NEK5: variants seen among roughly 807,000 people sequenced by gnomAD.
The protein encoded by NEK5 is NIMA related kinase 5.
In NEK5, 88 loss-of-function variants were observed where a neutral mutation model predicts 109.2. The ratio of observed to expected loss-of-function variants is 0.81; its 90% CI spans 0.68 to 0.96. The LOEUF is 0.96. NEK5 is among the 40% of genes least tolerant of loss of function. The pLI is 0.00. For synonymous variants in NEK5, 283 were observed against 299.9 expected (o/e 0.94, Z 0.58); for missense variants, 834 against 920.7 (o/e 0.91, Z 1.22).
At chr13:52,092,112 G>T (rs540475540) in intron 13 of NEK5, among the ~76,000 whole-genome samples, 7 of 152,252 alleles carry the variant, frequency 4.6e-5, no homozygotes, top group Admixed American at 1.3e-4. Flanking sequence ...GCAGCTCTAT[G>T]AATAAGAAAA....
At chr13:52,080,200 G>A (rs1057239096) in intron 17 of NEK5, among the ~76,000 whole-genome samples, 13 of 147,656 alleles carry the variant, frequency 8.8e-5, no homozygotes, top group South Asian at 6.6e-4. Context: ...CAGCCGCCCC[G>A]TCCGGGAGGG....
At chr13:52,126,402 C>T (rs1956064463) in intron 3 of NEK5, among the ~76,000 whole-genome samples, 1 of 152,204 alleles carries the variant, frequency 6.6e-6, no homozygotes, top group South Asian at 2.1e-4. Flanking sequence ...AGGAACTGTT[C>T]TGCATACTGA....
intron 16 of NEK5, among the ~76,000 whole-genome samples, chr13:52,084,758 AGAGAGTGT>A (rs1377713787): frequency 5.9e-3 from 266 of 45,028 alleles, no homozygotes; most frequent in Middle Eastern, 0.017. Flanking sequence ...AGAGAGAGAG[AGAGAGTGT>A]GTGTGTGTGT....
chr13:52,118,696 C>T (rs1248142021), intron 4 of NEK5, among the ~76,000 whole-genome samples: 5 of 152,170 alleles, frequency 3.3e-5, no homozygotes, highest in East Asian at 1.9e-4. Context: ...AGTTCTCCCC[C>T]TCTCCGTGGC....
intron 22 of NEK5, among the ~76,000 whole-genome samples, chr13:52,057,712 C>T (rs1465475003): frequency 6.6e-6 from 1 of 152,144 alleles, no homozygotes; most frequent in Non-Finnish European, 1.5e-5. Flanking sequence ...ACATGATTAT[C>T]TCAATAGATG....
intron 14 of NEK5, 143 bp from the exon 15 acceptor site, chr13:52,087,597 G>T (rs1339721941): frequency 2.2e-5 from 11 of 494,766 alleles, no homozygotes; most frequent in Admixed American, 3.5e-5. Flanking sequence ...GTAAGTAGTA[G>T]AATTTTCTTA....
chr13:52,080,244 C>T (rs1954970241), intron 17 of NEK5, among the ~76,000 whole-genome samples: 1 of 140,060 alleles, frequency 7.1e-6, no homozygotes, highest in Non-Finnish European at 1.6e-5. Context: ...GCCCGGCCAG[C>T]CGCCCCATCC....
At chr13:52,048,453 T>C (rs1954476774) in intron 23 of NEK5, among the ~76,000 whole-genome samples, 1 of 151,762 alleles carries the variant, frequency 6.6e-6, no homozygotes, top group South Asian at 2.1e-4. Flanking sequence ...CCATTTAAAA[T>C]ACCAACAACA....
intron 17 of NEK5, among the ~76,000 whole-genome samples, chr13:52,077,201 G>A (rs1954884431): frequency 6.6e-6 from 1 of 152,176 alleles, no homozygotes; most frequent in South Asian, 2.1e-4. Flanking sequence ...TGTCCAAATG[G>A]AACTCTTGAG....
At chr13:52,095,159 C>T (rs1403878040) in intron 12 of NEK5, among the ~76,000 whole-genome samples, 2 of 152,060 alleles carry the variant, frequency 1.3e-5, no homozygotes, top group African/African-American at 4.8e-5. Context: ...TGGTCTCGAA[C>T]TCCTGGGCTG....
In NEK5 at chr13:52,036,841, T is replaced by G; in HGVS notation, c.*107A>C. The G allele has an allele frequency of 4.7e-5, 19 of 402,054 alleles. No homozygotes were observed. The highest frequency in any genetic ancestry group is 6.1e-5 in the Non-Finnish European group (18 of 297,054). The allele number at this position is 402,054 out of a possible 1,614,324, so 24.9% of individuals were successfully genotyped here. ...ATTGAAAGAAAAATTAATAAATCCTTGAGATTACTAGAAAACCCTTACAGT... is the reference window on the plus strand; with the variant it reads ...ATTGAAAGAAAAATTAATAAATCCTGGAGATTACTAGAAAACCCTTACAGT... On this transcript the variant is annotated 3_prime_UTR_variant, in exon 24 of 24. Coordinates refer to ENST00000684899, the MANE Select transcript of NEK5 (RefSeq NM_001365552.1).
chr13:52,060,666 A>T (rs1414721048), intron 22 of NEK5, among the ~76,000 whole-genome samples: 1 of 152,128 alleles, frequency 6.6e-6, no homozygotes, highest in African/African-American at 2.4e-5. Context: ...AACATTTATC[A>T]GCCTCCAAGA....
At chr13:52,128,992 T>C in intron 1 of NEK5, 37 bp downstream of exon 1, 1 of 152,402 alleles carries the variant, frequency 6.6e-6, no homozygotes, top group Non-Finnish European at 1.5e-5. Context: ...CTGTGGCGGC[T>C]CCGGGCAAGA....
intron 12 of NEK5, among the ~76,000 whole-genome samples, chr13:52,096,950 C>T (rs999576433): frequency 4.6e-5 from 7 of 152,210 alleles, no homozygotes; most frequent in African/African-American, 1.4e-4. Flanking sequence ...CTCTGTGCAG[C>T]CTCAGGACAT....
chr13:52,073,172 T>G (rs530828264), intron 19 of NEK5, among the ~76,000 whole-genome samples: 1 of 151,906 alleles, frequency 6.6e-6, no homozygotes, highest in East Asian at 1.9e-4. Context: ...ATGATAAAAA[T>G]TAATATTATG....
At position 52,070,033 on chromosome 13, in the gene NEK5, C is replaced by T. The variant is rs2137787512; in HGVS notation, c.1849+1911G>A. 2.6e-5 allele frequency among the ~76,000 whole-genome samples: 4 copies of T among 152,298 alleles called. No individual in the cohort carries two copies. In the Middle Eastern group the frequency reaches 0.014, roughly 518 times the overall value. On this transcript the variant is annotated intron_variant, in intron 20 of 23. Transcript: ENST00000684899. ...CCCTACCAGTGAGCAGTCTTTGGCACAAAGGAGATCCTCAATAAGATGCCT... is the reference window on the plus strand; with the variant it reads ...CCCTACCAGTGAGCAGTCTTTGGCATAAAGGAGATCCTCAATAAGATGCCT...
Position 52,039,470 on chromosome 13 carries a change from T to C in NEK5, c.2229-2252A>G, listed in dbSNP as rs1726129331. Reference sequence around the variant, plus strand: ...TTGTCTTTGTTCCTCTACTAAACTATGCTGTGTCTAGGTATAAATTTATTT... The same window carrying C: ...TTGTCTTTGTTCCTCTACTAAACTACGCTGTGTCTAGGTATAAATTTATTT... On this transcript the variant is annotated intron_variant, in intron 23 of 23. Coordinates refer to ENST00000684899, the MANE Select transcript of NEK5 (RefSeq NM_001365552.1). Among the ~76,000 whole-genome samples, 3 of 152,364 alleles carry C rather than the reference T, an allele frequency of 2.0e-5. No individual in the cohort carries two copies. In the South Asian group the frequency reaches 6.2e-4, roughly 32 times the overall value.
At chr13:52,041,237 T>C (rs1278274716) in intron 23 of NEK5, among the ~76,000 whole-genome samples, 1 of 152,210 alleles carries the variant, frequency 6.6e-6, no homozygotes, top group Non-Finnish European at 1.5e-5. Flanking sequence ...TTATTTTTTA[T>C]GGAGGATTTT....
chr13:52,047,278 A>T (rs1954467671), intron 23 of NEK5, among the ~76,000 whole-genome samples: 1 of 152,238 alleles, frequency 6.6e-6, no homozygotes, highest in Admixed American at 6.5e-5. Flanking sequence ...ATATGTATTC[A>T]ACATAATACT....
Sources: allele counts gnomAD v4.1 joint callset (sites outside exome capture counted in the v4.1 genomes callset), GRCh38; gene constraint gnomAD v4.1.1; transcripts MANE v1.5; gene names NCBI Gene and HGNC (gene_info 2026-07-23, HGNC 2026-07-21).